Variants in ARHGAP10 observed in about 807,000 individuals in gnomAD.
The protein encoded by ARHGAP10 is rho GTPase-activating protein 10.
Under a neutral mutation model 108.6 loss-of-function variants are expected in ARHGAP10, and 87 were observed. The observed-to-expected ratio is 0.80, with a 90% CI of 0.67 to 0.96. The LOEUF (loss-of-function observed/expected upper bound fraction) is 0.96. Among genes scored for constraint, ARHGAP10 ranks in the 40% least tolerant of loss-of-function variants. ARHGAP10 has a pLI of 0.00. For missense variants in ARHGAP10, 939 were observed against 954.5 expected, an observed-to-expected ratio of 0.98 and a Z score of 0.21; for synonymous variants, 347 against 341.1, an observed-to-expected ratio of 1.02 and a Z score of -0.19.
intron 7 of ARHGAP10, among the ~76,000 whole-genome samples, chr4:147,873,876 A>T (rs1400629815): frequency 9.2e-6 from 1 of 108,414 alleles, no homozygotes; most frequent in African/African-American, 6.0e-5. Context: ...CCCTGTCTTT[A>T]AAAAAAAAAA....
chr4:148,001,098 G>A (rs901564657), intron 18 of ARHGAP10, among the ~76,000 whole-genome samples: 1 of 152,210 alleles, frequency 6.6e-6, no homozygotes, highest in Non-Finnish European at 1.5e-5. Flanking sequence ...TGTGTAAGGT[G>A]TAAGGAAGGG....
chr4:147,881,877 A>G lies in ARHGAP10; in HGVS notation c.979A>G (p.Arg327Gly). The G allele has an allele frequency of 6.2e-7, 1 of 1,614,062 alleles. No individual in the cohort carries two copies. Among genetic ancestry groups the G allele is most frequent in the African/African-American group, 1.3e-5 (1 of 75,048 alleles). The change falls in exon 10 of 23, where the codon AGG becomes GGG. Residue 327 changes from arginine to glycine, a missense_variant. Physicochemically the swap from Arg to Gly is moderately radical, Grantham distance 125. Coordinates refer to ENST00000336498, the MANE Select transcript of ARHGAP10 (RefSeq NM_024605.4). ...EVFFLKECTKRHTDSIDRRFC... is the reference protein window; with the variant it reads ...EVFFLKECTKGHTDSIDRRFC... The stretch of plus-strand genomic sequence containing the variant: ...GTTCTTTTTGAAAGAATGTACCAAG[A>G]GGCATACTGACTCCATTGACAGAAG...
chr4:147,932,458 G>A (rs1411499013), intron 13 of ARHGAP10, among the ~76,000 whole-genome samples: 1 of 152,196 alleles, frequency 6.6e-6, no homozygotes, highest in Non-Finnish European at 1.5e-5. Context: ...ATATACCATG[G>A]AATACTATGC....
intron 3 of ARHGAP10, among the ~76,000 whole-genome samples, chr4:147,843,589 C>T (rs889641498): frequency 1.3e-5 from 2 of 152,126 alleles, no homozygotes; most frequent in Non-Finnish European, 2.9e-5. Flanking sequence ...TGCAGTGGCA[C>T]GATCTCAGCT....
chr4:148,010,791 T>C (rs532043673), intron 18 of ARHGAP10, among the ~76,000 whole-genome samples: 26 of 152,312 alleles, frequency 1.7e-4, no homozygotes, highest in African/African-American at 6.3e-4. Context: ...TGCATTTGAA[T>C]AAGAACACCA....
rs771954703 is a variant in ARHGAP10, at chr4:147,875,065, CATGA to C, written c.749_752del (p.Met250ThrfsTer52). ...GAACAAGGTCAGAAGTGGAAGAGCTCATGAACAAAATCAGACAGAATCCCAAGGA... is the reference window on the plus strand; with the variant it reads ...GAACAAGGTCAGAAGTGGAAGAGCTCACAAAATCAGACAGAATCCCAAGGA... On this transcript the variant is annotated frameshift_variant, in exon 8 of 23. Coordinates refer to ENST00000336498, the MANE Select transcript of ARHGAP10 (RefSeq NM_024605.4). LOFTEE classifies it high-confidence loss of function. 6.8e-6 allele frequency: 11 copies of C among 1,608,944 alleles called. No individual in the cohort carries two copies. Among genetic ancestry groups the C allele is most frequent in the Non-Finnish European group, 9.3e-6 (11 of 1,178,832 alleles).
chr4:147,889,307 C>CT (rs1242242593), intron 10 of ARHGAP10, among the ~76,000 whole-genome samples: 22 of 151,020 alleles, frequency 1.5e-4, no homozygotes, highest in Middle Eastern at 3.4e-3. Context: ...TGGGTACCTT[C>CT]TTTTTTTTTG....
At chr4:148,070,077 A>G (rs1043129424) in intron 22 of ARHGAP10, among the ~76,000 whole-genome samples, 7 of 152,262 alleles carry the variant, frequency 4.6e-5, no homozygotes, top group African/African-American at 1.7e-4. Context: ...TGTGTCTGAC[A>G]CGGTGCTAGG....
intron 10 of ARHGAP10, among the ~76,000 whole-genome samples, chr4:147,901,495 T>C (rs1354055512): frequency 6.6e-6 from 1 of 152,226 alleles, no homozygotes; most frequent in Non-Finnish European, 1.5e-5. Flanking sequence ...AATTCTTTCC[T>C]TGTGAATGAT....
intron 8 of ARHGAP10, among the ~76,000 whole-genome samples, chr4:147,875,441 C>T (rs941758675): frequency 2.0e-5 from 3 of 152,106 alleles, no homozygotes; most frequent in African/African-American, 4.8e-5. Flanking sequence ...GTAAGAGAGT[C>T]AGAATTTGGT....
At chr4:147,904,533 T>TGCCCTACAAGGA (rs1736383361) in intron 10 of ARHGAP10, among the ~76,000 whole-genome samples, 2 of 152,324 alleles carry the variant, frequency 1.3e-5, no homozygotes, top group Non-Finnish European at 2.9e-5. Flanking sequence ...ATTTCCAATT[T>TGCCCTACAAGGA]CATCCATGTC....
intron 4 of ARHGAP10, among the ~76,000 whole-genome samples, chr4:147,854,240 G>GA (rs1330167469): frequency 5.3e-5 from 8 of 152,140 alleles, no homozygotes; most frequent in Non-Finnish European, 8.8e-5. Flanking sequence ...TTACAATTAA[G>GA]AAAAAATGTG....
chr4:147,878,555 C>A (rs931057359), intron 8 of ARHGAP10, among the ~76,000 whole-genome samples: 3 of 152,108 alleles, frequency 2.0e-5, no homozygotes, highest in African/African-American at 7.2e-5. Context: ...GAATTAAATC[C>A]CAAACCATCT....
chr4:147,994,233 A>G (rs1301761179), intron 18 of ARHGAP10, among the ~76,000 whole-genome samples: 1 of 152,244 alleles, frequency 6.6e-6, no homozygotes, highest in African/African-American at 2.4e-5. Context: ...TAAATTGCAC[A>G]AAAGTGCTTA....
chr4:147,745,977 A>T (rs1438337905), intron 1 of ARHGAP10, among the ~76,000 whole-genome samples: 1 of 149,950 alleles, frequency 6.7e-6, no homozygotes, highest in African/African-American at 2.5e-5. Flanking sequence ...TTTAGTAGAG[A>T]TGGGGTTTCA....
At chr4:147,935,165 T>A (rs1664832018) in intron 13 of ARHGAP10, among the ~76,000 whole-genome samples, 1 of 152,132 alleles carries the variant, frequency 6.6e-6, no homozygotes, top group Non-Finnish European at 1.5e-5. Context: ...CTGTCTGTTG[T>A]GATTAAGTTG....
chr4:147,909,124 T>C (rs529431808), intron 11 of ARHGAP10, among the ~76,000 whole-genome samples: 1 of 152,204 alleles, frequency 6.6e-6, no homozygotes, highest in Non-Finnish European at 1.5e-5. Context: ...ATCAGTTTAA[T>C]AATTTGCCAG....
chr4:148,007,227 C>T (rs757240205), intron 18 of ARHGAP10, among the ~76,000 whole-genome samples: 64 of 152,266 alleles, frequency 4.2e-4, no homozygotes, highest in Non-Finnish European at 8.4e-4. Flanking sequence ...ACACGCTTTT[C>T]TTTCGGAAAG....
At chr4:147,775,011 T>C (rs1730227900) in intron 1 of ARHGAP10, among the ~76,000 whole-genome samples, 1 of 152,010 alleles carries the variant, frequency 6.6e-6, no homozygotes, top group African/African-American at 2.4e-5. Context: ...TTTCAAGTGA[T>C]TCTACTGCCT....
Sources: gnomAD v4.1 joint callset for allele counts (sites outside exome capture counted in the v4.1 genomes callset) on GRCh38, gnomAD v4.1.1 for gene constraint, MANE v1.5 for transcripts, NCBI Gene and HGNC (gene_info 2026-07-23, HGNC 2026-07-21) for gene names.